The following RBFOX1 variants were observed in gnomAD, a reference collection of about 807,000 sequenced individuals.
RBFOX1 encodes RNA binding protein fox-1 homolog 1.
RBFOX1 carries 8 observed loss-of-function variants against 57.7 expected under a neutral mutation model. The ratio of observed to expected loss-of-function variants is 0.14; its 90% CI spans 0.08 to 0.25. RBFOX1 has a LOEUF of 0.25. Ranked by LOEUF, RBFOX1 falls within the 10% of genes least tolerant of loss-of-function variation. The pLI, the probability that RBFOX1 is intolerant of heterozygous loss-of-function variation, is 1.00. For synonymous variants in RBFOX1, 326 were observed against 222.4 expected, an observed-to-expected ratio of 1.47 and a Z score of -4.15; for missense variants, 611 against 548.5, an observed-to-expected ratio of 1.11 and a Z score of -1.14.
chr16:7,277,393 C>A (rs1455482193), intron 4 of RBFOX1, among the ~76,000 whole-genome samples: 2 of 152,178 alleles, frequency 1.3e-5, no homozygotes, highest in Admixed American at 1.3e-4. Flanking sequence ...ACCTCCATCT[C>A]CCACCCATCT....
intron 4 of RBFOX1, among the ~76,000 whole-genome samples, chr16:5,982,998 C>A (rs1204829060): frequency 6.6e-6 from 1 of 152,218 alleles, no homozygotes; most frequent in Non-Finnish European, 1.5e-5. Context: ...GCCTCAGTTT[C>A]CTCCTCTGTC....
intron 5 of RBFOX1, among the ~76,000 whole-genome samples, chr16:7,550,286 G>A (rs944316594): frequency 6.6e-6 from 1 of 150,988 alleles, no homozygotes; most frequent in Non-Finnish European, 1.5e-5. Context: ...AAATACCCTT[G>A]AGTTCCGGAG....
chr16:5,655,700 G>C (rs924396809), intron 3 of RBFOX1, among the ~76,000 whole-genome samples: 4 of 152,142 alleles, frequency 2.6e-5, no homozygotes, highest in Non-Finnish European at 5.9e-5. Flanking sequence ...TCATCTCACA[G>C]GTACAGTGTA....
chr16:5,287,375 A>G (rs1037330491), intron 1 of RBFOX1, among the ~76,000 whole-genome samples: 2 of 152,184 alleles, frequency 1.3e-5, no homozygotes, highest in African/African-American at 2.4e-5. Context: ...GGTAACTGGT[A>G]GTGTCAGGCC....
At chr16:7,364,804 T>G (rs138633328) in intron 4 of RBFOX1, among the ~76,000 whole-genome samples, 1 of 152,188 alleles carries the variant, frequency 6.6e-6, no homozygotes, top group African/African-American at 2.4e-5. Flanking sequence ...AAGAAATCTT[T>G]AGAGCTCCCA....
intron 3 of RBFOX1, among the ~76,000 whole-genome samples, chr16:6,873,261 C>T (rs916652829): frequency 2.6e-5 from 4 of 151,958 alleles, no homozygotes; most frequent in Non-Finnish European, 5.9e-5. Flanking sequence ...TTAATTTATA[C>T]ATTAGTTATC....
chr16:5,691,975 A>T (rs2050693862), intron 3 of RBFOX1, among the ~76,000 whole-genome samples: 1 of 152,002 alleles, frequency 6.6e-6, no homozygotes, highest in African/African-American at 2.4e-5. Context: ...TGAGTGTCAC[A>T]TTCTTCACCT....
intron 4 of RBFOX1, among the ~76,000 whole-genome samples, chr16:7,076,546 A>G (rs1346052346): frequency 6.6e-6 from 1 of 152,188 alleles, no homozygotes; most frequent in South Asian, 2.1e-4. Context: ...ACTTGACTCA[A>G]ATGGAACACC....
chr16:7,437,208 C>A (rs1485022740), intron 4 of RBFOX1, among the ~76,000 whole-genome samples: 1 of 151,802 alleles, frequency 6.6e-6, no homozygotes, highest in Non-Finnish European at 1.5e-5. Flanking sequence ...CAATCACAAA[C>A]AAACATACTA....
chr16:5,807,736 C>G (rs17138676), intron 3 of RBFOX1, among the ~76,000 whole-genome samples: 13,578 of 152,118 alleles, frequency 0.089, 2,055 homozygotes, highest in African/African-American at 0.31. Context: ...CTTTAACAGA[C>G]TCAAGAAGGA....
chr16:7,524,288 C>G (rs892434165), intron 5 of RBFOX1, among the ~76,000 whole-genome samples: 13 of 152,152 alleles, frequency 8.5e-5, no homozygotes, highest in African/African-American at 2.9e-4. Context: ...GAGCTCCCAA[C>G]CAGAGCTCAG....
chr16:6,026,282 G>C (rs181594792), intron 1 of RBFOX1, among the ~76,000 whole-genome samples: 2 of 152,182 alleles, frequency 1.3e-5, no homozygotes, highest in African/African-American at 4.8e-5. Context: ...GTGGTGCAAG[G>C]CACACAGCAG....
intron 4 of RBFOX1, among the ~76,000 whole-genome samples, chr16:7,402,550 A>T (rs1023976660): frequency 1.3e-5 from 2 of 152,202 alleles, no homozygotes; most frequent in African/African-American, 2.4e-5. Flanking sequence ...ACTTCAAAGT[A>T]TGTGAACTTT....
chr16:5,958,993 TC>T (rs1208017705), intron 4 of RBFOX1, among the ~76,000 whole-genome samples: 1 of 152,218 alleles, frequency 6.6e-6, no homozygotes, highest in East Asian at 1.9e-4. Context: ...ATTTGCAAGT[TC>T]CAGGGATTAG....
intron 14 of RBFOX1, among the ~76,000 whole-genome samples, chr16:7,701,965 C>G (rs982918933): frequency 1.3e-5 from 2 of 152,192 alleles, no homozygotes; most frequent in East Asian, 1.9e-4. Flanking sequence ...GAAACCCTCT[C>G]AAATCTTTCT....
intron 4 of RBFOX1, among the ~76,000 whole-genome samples, chr16:5,875,779 A>T (rs145151524): frequency 4.6e-5 from 7 of 151,966 alleles, no homozygotes; most frequent in African/African-American, 1.7e-4. Flanking sequence ...AAATTTCTCT[A>T]CTTCTTTATT....
chr16:5,974,835 C>T (rs375738530), intron 4 of RBFOX1, among the ~76,000 whole-genome samples: 9 of 151,900 alleles, frequency 5.9e-5, no homozygotes, highest in African/African-American at 1.9e-4. Flanking sequence ...ATGGAGAAAC[C>T]CTGTCTCTAT....
intron 1 of RBFOX1, among the ~76,000 whole-genome samples, chr16:5,417,000 G>A (rs2067179644): frequency 6.6e-6 from 1 of 152,090 alleles, no homozygotes; most frequent in African/African-American, 2.4e-5. Flanking sequence ...CGCTGAAAAT[G>A]AAAAAGTGTA....
rs376982493 is a variant in RBFOX1 at position 6,118,660 on chromosome 16, C to A, written c.-127+98668C>A. 2.0e-3 allele frequency among the ~76,000 whole-genome samples: 304 copies of A among 150,214 alleles called. 3 individuals carry two copies. The highest frequency in any genetic ancestry group is 7.4e-3 in the African/African-American group (299 of 40,502). ...CCTCTCTTTCTTTCTCTTTCCCTCT[C>A]CTTCCTTCCTTCCTTCTTCCTTCCT... On this transcript the variant is annotated intron_variant, in intron 1 of 15. Coordinates refer to ENST00000550418, the MANE Select transcript of RBFOX1 (RefSeq NM_018723.4).
Sources: gnomAD v4.1 joint callset for allele counts (sites outside exome capture counted in the v4.1 genomes callset) on GRCh38, gnomAD v4.1.1 for gene constraint, MANE v1.5 for transcripts, NCBI Gene and HGNC (gene_info 2026-07-23, HGNC 2026-07-21) for gene names.